The following PNKP variants were observed in gnomAD, a reference collection of about 807,000 sequenced individuals.
PNKP encodes the protein bifunctional polynucleotide phosphatase/kinase.
PNKP carries 82 observed loss-of-function variants against 66.2 expected under a neutral mutation model. The ratio of observed to expected loss-of-function variants is 1.24; its 90% CI spans 1.04 to 1.49. The LOEUF is 1.49. Ranked by LOEUF, PNKP falls within the 40% of genes most tolerant of loss-of-function variation. The pLI, the probability that PNKP is intolerant of heterozygous loss-of-function variation, is 0.00. For missense variants in PNKP, 907 were observed against 706.8 expected, an observed-to-expected ratio of 1.28 and a Z score of -3.21; for synonymous variants, 412 against 298.9, an observed-to-expected ratio of 1.38 and a Z score of -3.90.
chr19:49,862,953 TTC>T, intron 8 of PNKP: 1 of 651,974 alleles, frequency 1.5e-6, no homozygotes, highest in Non-Finnish European at 2.8e-6. Context: ...GTCTCCCGAC[TTC>T]ACCTCCTCCC....
At position 49,861,431 on chromosome 19, in the gene PNKP, T is replaced by C; in HGVS notation, c.1448+18A>G. On this transcript the variant is annotated intron_variant, in intron 16 of 16. Transcript: ENST00000322344. ...TGGCCCAGCCAGTGCCCCTGCCCCC[T>C]GCTATCCCCAACAGTACCTGTAGCC... 6.2e-7 allele frequency: 1 copy of C among 1,614,056 alleles called. No homozygotes were observed. Among genetic ancestry groups the C allele is most frequent in the East Asian group, 2.2e-5 (1 of 44,870 alleles).
intron 2 of PNKP, 110 bp downstream of exon 2, chr19:49,866,944 A>C: frequency 9.5e-7 from 1 of 1,051,314 alleles, no homozygotes; most frequent in East Asian, 2.4e-5. Context: ...GCACCTTCCG[A>C]CTTCGGGGCT....
At chr19:49,866,364 C>T (rs754977927) in intron 3 of PNKP, 35 bp downstream of exon 3, 69 of 1,600,640 alleles carry the variant, frequency 4.3e-5, no homozygotes, top group Non-Finnish European at 5.8e-5. Context: ...AATCCCATCC[C>T]CAGGCCTTGC....
chr19:49,863,611 A>G (rs2122332817), intron 8 of PNKP, 78 bp downstream of exon 8: 4 of 1,084,700 alleles, frequency 3.7e-6, no homozygotes, highest in Non-Finnish European at 5.5e-6. Flanking sequence ...AGGAGGCCCC[A>G]ACCGGAGGCC....
rs1438851811 is a variant in PNKP at position 49,862,744 on chromosome 19, G to A, written c.817-6C>T. 1.2e-6 allele frequency: 2 copies of A among 1,614,052 alleles called. No individual in the cohort carries two copies. The highest frequency in any genetic ancestry group is 1.7e-5 in the Admixed American group (1 of 60,026). On this transcript the variant is annotated splice_polypyrimidine_tract_variant and splice_region_variant and intron_variant, in intron 8 of 16. Transcript: ENST00000322344. Reference sequence around the variant, plus strand: ...ATGGGCGTGCCGTCGTTGGCCTACGGGAGACGGTAGTGAGGAGGCCCTTCC... The same window carrying A: ...ATGGGCGTGCCGTCGTTGGCCTACGAGAGACGGTAGTGAGGAGGCCCTTCC...
In PNKP at chr19:49,862,547, G is replaced by A; in HGVS notation, c.927C>T (p.Ala309=). 6.2e-7 allele frequency: 1 copy of A among 1,610,582 alleles called. No homozygotes were observed. Among genetic ancestry groups the A allele is most frequent in the South Asian group, 1.1e-5 (1 of 90,710 alleles). The change falls in exon 10 of 17, where the codon GCC becomes GCT. Residue 309 remains alanine, a synonymous_variant. Coordinates refer to ENST00000322344, the MANE Select transcript of PNKP (RefSeq NM_007254.4). ...GGGGCAGGGGCCTCACCAGGCGATC[G>A]GCGCAGGAGAAGTCTTTCTTCTTCC... ...PGRKKKDFSC[A]DRLFALNLGL...
chr19:49,863,022 T>C (rs2074790819), intron 8 of PNKP, among the ~76,000 whole-genome samples: 1 of 152,038 alleles, frequency 6.6e-6, no homozygotes, highest in South Asian at 2.1e-4. Flanking sequence ...GCCTCCGGCG[T>C]GCCGGCGCCT....
rs1199098071 is a variant in PNKP at position 49,864,308 on chromosome 19, T to A, written c.578+16A>T. ...ACTCCAGGCCTCACTCACTCCCTTG[T>A]TTTGCCTCTTATCACCTCCAGTCAC... is the stretch of plus-strand genomic sequence containing the variant. On this transcript the variant is annotated intron_variant, in intron 5 of 16. Coordinates refer to ENST00000322344, the MANE Select transcript of PNKP (RefSeq NM_007254.4). 6.2e-7 allele frequency: 1 copy of A among 1,612,954 alleles called. No individual in the cohort carries two copies. Among genetic ancestry groups the A allele is most frequent in the Non-Finnish European group, 8.5e-7 (1 of 1,179,086 alleles).
rs1568659022 is a variant in PNKP, at chr19:49,861,777, G to GGGGTCACGCTAC, written c.1292_1293insGTAGCGTGACCC (p.Arg431_Ala432insTer). On this transcript the variant is annotated stop_gained and inframe_insertion, in exon 14 of 17. Coordinates refer to ENST00000322344, the MANE Select transcript of PNKP (RefSeq NM_007254.4). LOFTEE classifies it high-confidence loss of function. The stretch of plus-strand genomic sequence containing the variant: ...CGGCCCCGCGGTCACGCTACCTGGC[G>GGGGTCACGCTAC]CGGCTCGCGGCGTCTGGGTTTGTGT... The GGGGTCACGCTAC allele has an allele frequency of 1.9e-6, 3 of 1,562,410 alleles. No individual in the cohort carries two copies. In the South Asian group the frequency reaches 3.5e-5, roughly 18 times the overall value.
In PNKP at chr19:49,861,319, G is replaced by A. The variant is rs587781114; in HGVS notation, c.1495C>T (p.Leu499=). 2 of 1,614,156 alleles carry A rather than the reference G, an allele frequency of 1.2e-6. No individual in the cohort carries two copies. Among genetic ancestry groups the A allele is most frequent in the Non-Finnish European group, 1.7e-6 (2 of 1,180,012 alleles). ...PTLAEGFSAI[L]EIPFRLWVEP... is the part of the protein sequence containing the mutation. Reference sequence around the variant, plus strand: ...ACCCATAGCCGGAACGGGATCTCCAGGATGGCAGAGAAGCCTTCAGCCAGC... The same window carrying A: ...ACCCATAGCCGGAACGGGATCTCCAAGATGGCAGAGAAGCCTTCAGCCAGC... Residue 499 remains leucine, a synonymous_variant, in exon 17 of 17, where the codon CTG becomes TTG. Coordinates refer to ENST00000322344, the MANE Select transcript of PNKP (RefSeq NM_007254.4).
Position 49,866,409 on chromosome 19 carries a change from G to A in PNKP, c.188C>T (p.Ala63Val), listed in dbSNP as rs3739173. Residue 63 changes from alanine to valine, a missense_variant, in exon 3 of 17, where the codon GCA (alanine) becomes GTA (valine). Ala to Val is a moderately conservative substitution (Grantham distance 64, BLOSUM62 0). Transcript: ENST00000322344. The stretch of plus-strand genomic sequence containing the variant: ...CAGAGGCACTGATACCTGTTTCACT[G>A]CCACTGTCCGGGTCTCAGGATCTGC... ...LVADPETRTV[A>V]VKQLGVNPST... The A allele has an allele frequency of 8.1e-4, 1,303 of 1,614,032 alleles. No homozygotes were observed. The highest frequency in any genetic ancestry group is 1.0e-3 in the Non-Finnish European group (1,191 of 1,179,884).
chr19:49,867,371 C>A (rs1159456484), intron 1 of PNKP, 98 bp downstream of exon 1: 17 of 747,120 alleles, frequency 2.3e-5, no homozygotes, highest in Non-Finnish European at 3.0e-5. Context: ...GTTTCCCAGG[C>A]GACGACGCGT....
rs777677748 is a variant in PNKP at position 49,862,544 on chromosome 19, A to G, written c.930T>C (p.Asp310=). The change falls in exon 10 of 17, where the codon GAT becomes GAC. Residue 310 remains aspartate, a synonymous_variant. Coordinates refer to ENST00000322344, the MANE Select transcript of PNKP (RefSeq NM_007254.4). ...CAGGGGGCAGGGGCCTCACCAGGCG[A>G]TCGGCGCAGGAGAAGTCTTTCTTCT... ...GRKKKDFSCA[D]RLFALNLGLP... 3 of 1,610,250 alleles carry G rather than the reference A, an allele frequency of 1.9e-6. No homozygotes were observed. Among genetic ancestry groups the G allele is most frequent in the Admixed American group, 3.4e-5 (2 of 59,532 alleles).
chr19:49,863,868 T>A, intron 7 of PNKP, 96 bp downstream of exon 7: 1 of 1,371,102 alleles, frequency 7.3e-7, no homozygotes, highest in Admixed American at 1.9e-5. Context: ...AGCATCACAC[T>A]GCCTGAGGCC....
At chr19:49,866,598 G>C in intron 2 of PNKP, 153 bp from the exon 3 acceptor site, 2 of 751,072 alleles carry the variant, frequency 2.7e-6, no homozygotes, top group Middle Eastern at 2.3e-4. Context: ...GCAGTAGCCA[G>C]ATAGTGGCAC....
In PNKP at chr19:49,865,984, G is replaced by A. The variant is rs16981499; in HGVS notation, c.198+415C>T. ...AACAGGCAACACTTCTTTCTTTACTGGACACATCCCCTTCTCTCCCAGCCA... is the reference window on the plus strand; with the variant it reads ...AACAGGCAACACTTCTTTCTTTACTAGACACATCCCCTTCTCTCCCAGCCA... On this transcript the variant is annotated intron_variant, in intron 3 of 16. Transcript: ENST00000322344. 2,519 of 321,920 alleles carry A rather than the reference G, an allele frequency of 7.8e-3. 26 individuals are homozygous for A. Among genetic ancestry groups the A allele is most frequent in the Middle Eastern group, 0.017 (16 of 926 alleles). The allele number at this position is 321,920 out of a possible 1,614,324, so 19.9% of individuals were successfully genotyped here.
At chr19:49,864,528 C>A in intron 4 of PNKP, 125 bp from the exon 5 acceptor site, 1 of 783,862 alleles carries the variant, frequency 1.3e-6, no homozygotes, top group South Asian at 1.4e-5. Flanking sequence ...GATGGGGAAA[C>A]CGAGTCACAG....
At position 49,867,470 on chromosome 19, in the gene PNKP, C is replaced by G; in HGVS notation, c.-15G>C. 1.9e-6 allele frequency: 1 copy of G among 526,366 alleles called. No individual in the cohort carries two copies. Among genetic ancestry groups the G allele is most frequent in the Non-Finnish European group, 3.4e-6 (1 of 293,072 alleles). 32.6% of individuals were successfully genotyped at this position (526,366 alleles called of 1,614,324 possible). On this transcript the variant is annotated splice_region_variant and 5_prime_UTR_variant, in exon 1 of 17. Coordinates refer to ENST00000322344, the MANE Select transcript of PNKP (RefSeq NM_007254.4). ...GCCTCCGCCCCGCCCCGTACTCACC[C>G]GGGACCGCGGCTTGGGCTCACGGCC...
Position 49,866,556 on chromosome 19 carries a change from T to C in PNKP, c.152-111A>G, listed in dbSNP as rs115684885. The C allele has an allele frequency of 1.1e-3, 1,133 of 1,018,856 alleles. 12 individuals carry two copies. In the African/African-American group the frequency reaches 0.016, roughly 15 times the overall value. 63.1% of individuals were successfully genotyped at this position (1,018,856 alleles called of 1,614,324 possible). A position where few individuals can be genotyped will look rare whatever the true frequency, so the allele number is the denominator to read the frequency against. ...ATAGCATCCAGGGAGTAAGAGGCAGTTTATTTCTACATGGGATTGGCTCCT... is the reference window on the plus strand; with the variant it reads ...ATAGCATCCAGGGAGTAAGAGGCAGCTTATTTCTACATGGGATTGGCTCCT... On this transcript the variant is annotated intron_variant, in intron 2 of 16. Transcript: ENST00000322344.
Sources: gnomAD v4.1 joint callset for allele counts (sites outside exome capture counted in the v4.1 genomes callset) on GRCh38, gnomAD v4.1.1 for gene constraint, MANE v1.5 for transcripts, NCBI Gene and HGNC (gene_info 2026-07-23, HGNC 2026-07-21) for gene names.